LSM4: variants seen among roughly 807,000 people sequenced by gnomAD.
The protein encoded by LSM4 is U6 snRNA-associated Sm-like protein LSm4.
Under a neutral mutation model 22.3 loss-of-function variants are expected in LSM4, and 15 were observed. The observed-to-expected ratio is 0.67, with a 90% CI of 0.45 to 1.03. The LOEUF (loss-of-function observed/expected upper bound fraction) is 1.03. LSM4 is among the 50% of genes least tolerant of loss of function. The pLI, the probability that LSM4 is intolerant of heterozygous loss-of-function variation, is 0.00. For synonymous variants in LSM4, 90 were observed against 79.8 expected, an observed-to-expected ratio of 1.13 and a Z score of -0.68; for missense variants, 127 against 198.0, an observed-to-expected ratio of 0.64 and a Z score of 2.15.
chr19:18,312,590 G>C lies in LSM4; in HGVS notation c.144+14C>G. On this transcript the variant is annotated intron_variant, in intron 3 of 4. Coordinates refer to ENST00000593829, the MANE Select transcript of LSM4 (RefSeq NM_012321.5). ...CCCCTGCATCCCACCCCCGTTGGTGGGTGCAGCACCCACCCTGGACGTGCA... is the reference window on the plus strand; with the variant it reads ...CCCCTGCATCCCACCCCCGTTGGTGCGTGCAGCACCCACCCTGGACGTGCA... 1 of 1,611,146 alleles carries C rather than the reference G, an allele frequency of 6.2e-7. No individual in the cohort carries two copies.
At chr19:18,308,439 G>C (rs1035158593) in intron 4 of LSM4, among the ~76,000 whole-genome samples, 2 of 152,236 alleles carry the variant, frequency 1.3e-5, no homozygotes, top group Admixed American at 6.5e-5. Flanking sequence ...CTAGCTGGAC[G>C]AACGCTTGAG....
At chr19:18,310,386 G>A (rs1250646857) in intron 3 of LSM4, among the ~76,000 whole-genome samples, 1 of 152,212 alleles carries the variant, frequency 6.6e-6, no homozygotes, top group Admixed American at 6.5e-5. Context: ...CTGGGTGCAG[G>A]GACATGCGAG....
At chr19:18,318,603 TTTTC>T (rs1447970707) in intron 1 of LSM4, among the ~76,000 whole-genome samples, 1 of 152,212 alleles carries the variant, frequency 6.6e-6, no homozygotes, top group Non-Finnish European at 1.5e-5. Context: ...AGCAAGCCTG[TTTTC>T]TTTCTCTAGT....
At chr19:18,312,513 A>T in intron 3 of LSM4, 91 bp downstream of exon 3, 1 of 1,119,868 alleles carries the variant, frequency 8.9e-7, no homozygotes. Context: ...GGCCTCCCCC[A>T]CTGACTCCTC....
chr19:18,317,496 C>T (rs1034556321), intron 1 of LSM4, among the ~76,000 whole-genome samples: 1 of 151,772 alleles, frequency 6.6e-6, no homozygotes, highest in African/African-American at 2.4e-5. Context: ...CCATGCCCGG[C>T]TAATTTTTTT....
At chr19:18,322,954 G>A in intron 1 of LSM4, 64 bp downstream of exon 1, 1 of 1,580,224 alleles carries the variant, frequency 6.3e-7, no homozygotes, top group East Asian at 2.4e-5. Flanking sequence ...GCGCCCGCCC[G>A]CAGGGATCCC....
At chr19:18,311,188 C>A (rs912351423) in intron 3 of LSM4, among the ~76,000 whole-genome samples, 44 of 152,166 alleles carry the variant, frequency 2.9e-4, no homozygotes, top group African/African-American at 1.1e-3. Context: ...CCAGAGGCTT[C>A]CTCGTGCAGG....
intron 3 of LSM4, 128 bp downstream of exon 3, chr19:18,312,476 C>A (rs1300530423): frequency 1.2e-5 from 9 of 750,682 alleles, no homozygotes; most frequent in Non-Finnish European, 2.1e-5. Flanking sequence ...TCCTGACTGA[C>A]CCCTGGAAGG....
rs1043729256 is a variant in LSM4, at chr19:18,306,960, G to C, written c.*504C>G. 6.5e-6 allele frequency: 1 copy of C among 154,002 alleles called. No individual in the cohort carries two copies. The highest frequency in any genetic ancestry group is 6.5e-5 in the Admixed American group (1 of 15,330). The allele number at this position is 154,002 out of a possible 1,614,324, so 9.5% of individuals were successfully genotyped here. ...ATTTCCATAACACAAGAGAGGAAGC[G>C]AAGGGCCAGGGCCCGAGGCATCCCC... is the stretch of plus-strand genomic sequence containing the variant. On this transcript the variant is annotated 3_prime_UTR_variant, in exon 5 of 5. Transcript: ENST00000593829.
intron 3 of LSM4, among the ~76,000 whole-genome samples, chr19:18,311,463 C>T (rs961474160): frequency 1.1e-4 from 17 of 152,202 alleles, no homozygotes; most frequent in Admixed American, 4.6e-4. Context: ...CAAACCAACC[C>T]CTGGAGACCA....
intron 4 of LSM4, among the ~76,000 whole-genome samples, chr19:18,307,975 C>A (rs1466771966): frequency 6.6e-6 from 1 of 151,982 alleles, no homozygotes; most frequent in Non-Finnish European, 1.5e-5. Context: ...TGCGCCACAA[C>A]CACCCACAGC....
intron 2 of LSM4, among the ~76,000 whole-genome samples, chr19:18,314,029 G>C (rs1046682175): frequency 6.6e-6 from 1 of 151,976 alleles, no homozygotes; most frequent in African/African-American, 2.4e-5. Flanking sequence ...GGCCAGGCTG[G>C]TCTTGAACTC....
At chr19:18,310,888 C>T (rs912313067) in intron 3 of LSM4, among the ~76,000 whole-genome samples, 3 of 152,202 alleles carry the variant, frequency 2.0e-5, no homozygotes, top group Admixed American at 6.5e-5. Flanking sequence ...CCGGAACACA[C>T]GCCATGGGCT....
chr19:18,311,147 TG>T (rs891809394), intron 3 of LSM4, among the ~76,000 whole-genome samples: 2 of 152,012 alleles, frequency 1.3e-5, no homozygotes, highest in Non-Finnish European at 2.9e-5. Flanking sequence ...CCTGGGCAGG[TG>T]ACTTGGCGCC....
At chr19:18,318,648 C>T (rs1970387252) in intron 1 of LSM4, among the ~76,000 whole-genome samples, 1 of 152,254 alleles carries the variant, frequency 6.6e-6, no homozygotes, top group African/African-American at 2.4e-5. Context: ...TGGACCTCCT[C>T]CTGGATCACC....
intron 2 of LSM4, among the ~76,000 whole-genome samples, chr19:18,314,410 C>T (rs1031086177): frequency 6.6e-6 from 1 of 151,710 alleles, no homozygotes; most frequent in African/African-American, 2.4e-5. Flanking sequence ...ACCTGTAGTC[C>T]CAGCTCCTCA....
At position 18,307,524 on chromosome 19, in the gene LSM4, G is replaced by A; in HGVS notation, c.360C>T (p.Ile120=). The A allele has an allele frequency of 6.4e-7, 1 of 1,553,400 alleles. No homozygotes were observed. The highest frequency in any genetic ancestry group is 8.7e-7 in the Non-Finnish European group (1 of 1,149,416). Residue 120 remains isoleucine (I), a synonymous_variant, in exon 5 of 5, where the codon ATC becomes ATT. Transcript: ENST00000593829. The stretch of plus-strand genomic sequence containing the variant: ...CTGGCTGGCCTCTGCCTGTGCCCGG[G>A]ATCCCACCTCGGCCCCGGCCACCAA... ...GVFGGRGRGG[I]PGTGRGQPEK... is the part of the protein sequence containing the mutation.
chr19:18,321,287 C>G (rs752405731), intron 1 of LSM4, among the ~76,000 whole-genome samples: 2 of 152,206 alleles, frequency 1.3e-5, no homozygotes, highest in Non-Finnish European at 2.9e-5. Context: ...CCAGCTCTGC[C>G]CAGTCTTACA....
chr19:18,320,834 T>C (rs2148147959), intron 1 of LSM4, among the ~76,000 whole-genome samples: 1 of 152,110 alleles, frequency 6.6e-6, no homozygotes, highest in South Asian at 2.1e-4. Flanking sequence ...AGAAAAAAAG[T>C]GCCAAGTGTG....
Sources: allele counts gnomAD v4.1 joint callset (sites outside exome capture counted in the v4.1 genomes callset), GRCh38; gene constraint gnomAD v4.1.1; transcripts MANE v1.5; gene names NCBI Gene and HGNC (gene_info 2026-07-23, HGNC 2026-07-21).